Variants in RIC3 observed in about 807,000 individuals in gnomAD.
RIC3 encodes the protein RIC3 acetylcholine receptor chaperone.
A neutral mutation model predicts 27.3 loss-of-function variants in RIC3; 28 were observed. The observed-to-expected ratio is 1.02, with a 90% CI of 0.76 to 1.41. The LOEUF is 1.41. Among genes scored for constraint, RIC3 ranks in the 40% most tolerant of loss-of-function variants. RIC3 has a pLI of 0.00. For missense variants in RIC3, 501 were observed against 444.7 expected (o/e 1.13, Z -1.14); for synonymous variants, 184 against 160.4 (o/e 1.15, Z -1.11).
At chr11:8,098,888 T>C in the RIC3 span, 3 of 1,578,952 alleles carry the variant, frequency 1.9e-6, no homozygotes, top group Non-Finnish European at 8.7e-7. Context: ...GAGTCCTAGG[T>C]TCGGGGGTCT....
chr11:8,097,904 T>C, the RIC3 span: 1 of 1,101,742 alleles, frequency 9.1e-7, no homozygotes, highest in Middle Eastern at 2.2e-4. Flanking sequence ...GGCCTGAATC[T>C]TCCTGAAGGA....
the RIC3 span, chr11:8,097,177 TG>T: frequency 6.3e-7 from 1 of 1,598,502 alleles, no homozygotes; most frequent in African/African-American, 1.3e-5. Context: ...ACCACCAATT[TG>T]GGCTGCTTAG....
rs61400460 is a variant in RIC3, at chr11:8,155,218, TAA to T, written c.124+13646_124+13647del. 9.6e-3 allele frequency among the ~76,000 whole-genome samples: 1,163 copies of T among 120,926 alleles called. 21 individuals carry two copies. Among genetic ancestry groups the T allele is most frequent in the Admixed American group, 0.057 (669 of 11,712 alleles). 79.3% of individuals were successfully genotyped at this position (120,926 alleles called of 152,430 possible). On this transcript the variant is annotated intron_variant, in intron 1 of 5. Transcript: ENST00000309737. ...GCCTGGGCAACAGGAGACCCCATCT[TAA>T]AAAAAAAAAAAAAAAAAAAATTCAC...
At chr11:8,100,843 A>G in the RIC3 span, 2 of 1,614,172 alleles carry the variant, frequency 1.2e-6, no homozygotes, top group South Asian at 2.2e-5. Flanking sequence ...AGACACTGCT[A>G]GCACGCTGGC....
At chr11:8,137,585 T>C (rs908355998) in intron 3 of RIC3, 114 bp from the exon 4 acceptor site, 12 of 643,300 alleles carry the variant, frequency 1.9e-5, no homozygotes, top group African/African-American at 3.6e-5. Flanking sequence ...TACTATCTCA[T>C]TGAAGAACAC....
At chr11:8,131,037 C>T (rs982562008) in intron 4 of RIC3, among the ~76,000 whole-genome samples, 23 of 152,004 alleles carry the variant, frequency 1.5e-4, no homozygotes, top group African/African-American at 4.4e-4. Context: ...GAAAGAAAAC[C>T]GAAAGGAGGC....
At chr11:8,142,890 T>C (rs1379489364) in intron 1 of RIC3, among the ~76,000 whole-genome samples, 2 of 88,534 alleles carry the variant, frequency 2.3e-5, no homozygotes, top group Non-Finnish European at 3.7e-5. Flanking sequence ...AATCAATAAA[T>C]GTAATCCAGC....
chr11:8,110,574 T>C lies in RIC3; in HGVS notation c.*124A>G. On this transcript the variant is annotated 3_prime_UTR_variant, in exon 6 of 6. Transcript: ENST00000309737. ...GAAGGATACATGATATCCATGATAG[T>C]GGCCTGATAGCTATGACACTTGAAC... The C allele has an allele frequency of 1.2e-6, 1 of 846,800 alleles. No individual in the cohort carries two copies. Among genetic ancestry groups the C allele is most frequent in the Non-Finnish European group, 2.0e-6 (1 of 497,610 alleles). 52.5% of individuals were successfully genotyped at this position (846,800 alleles called of 1,614,324 possible).
intron 1 of RIC3, among the ~76,000 whole-genome samples, chr11:8,159,485 A>G (rs1428847713): frequency 1.3e-5 from 2 of 152,176 alleles, no homozygotes; most frequent in African/African-American, 4.8e-5. Flanking sequence ...AAGCTTCAAC[A>G]TAATACTATC....
At chr11:8,113,304 G>C (rs189121472) in intron 5 of RIC3, among the ~76,000 whole-genome samples, 1 of 152,188 alleles carries the variant, frequency 6.6e-6, no homozygotes, top group African/African-American at 2.4e-5. Context: ...TGCTTTAAGA[G>C]GGAAGGTCAC....
the RIC3 span, chr11:8,095,445 A>G: frequency 6.5e-7 from 1 of 1,549,524 alleles, no homozygotes; most frequent in Non-Finnish European, 8.8e-7. Context: ...CTGAGAATCC[A>G]GGCCCTCCTC....
At chr11:8,145,340 T>C (rs531657165) in intron 1 of RIC3, among the ~76,000 whole-genome samples, 11 of 152,226 alleles carry the variant, frequency 7.2e-5, no homozygotes, top group African/African-American at 2.6e-4. Flanking sequence ...CATAAGGTTT[T>C]TTCTTTGTTT....
chr11:8,103,434 A>G (rs1944391375), downstream of RIC3: 1 of 152,336 alleles, frequency 6.6e-6, no homozygotes, highest in Non-Finnish European at 1.5e-5. Flanking sequence ...TAGGCTTTAT[A>G]GGTGAAGGAC....
chr11:8,101,082 C>G, downstream of RIC3: 1 of 1,477,760 alleles, frequency 6.8e-7, no homozygotes, highest in Non-Finnish European at 9.3e-7. Context: ...GCCCTGCCTA[C>G]ACTGGCTAGA....
rs1277368214 is a variant in RIC3, at chr11:8,108,248, C to T, written c.*2450G>A. ...ACTTGAACATCCATGTATTTTCACA[C>T]CCTACTGCTTTTTTCAACAACTCTT... On this transcript the variant is annotated 3_prime_UTR_variant, in exon 6 of 6. Transcript: ENST00000309737. 1 of 152,154 alleles carries T rather than the reference C, an allele frequency of 6.6e-6. No individual in the cohort carries two copies. Among genetic ancestry groups the T allele is most frequent in the East Asian group, 1.9e-4 (1 of 5,186 alleles). The allele number at this position is 152,154 out of a possible 1,614,324, so 9.4% of individuals were successfully genotyped here. A position where few individuals can be genotyped will look rare whatever the true frequency, so the allele number is the denominator to read the frequency against.
intron 1 of RIC3, among the ~76,000 whole-genome samples, chr11:8,155,505 G>A (rs940732218): frequency 3.9e-5 from 6 of 152,134 alleles, no homozygotes; most frequent in Non-Finnish European, 7.3e-5. Flanking sequence ...GAACCCGGGA[G>A]GCGGAGGTTG....
the RIC3 span, among the ~76,000 whole-genome samples, chr11:8,100,176 T>C: frequency 6.6e-6 from 1 of 152,108 alleles, no homozygotes; most frequent in Non-Finnish European, 1.5e-5. Context: ...TGGGTATAAT[T>C]GGAAGGTGGA....
downstream of RIC3, chr11:8,101,763 C>A: frequency 7.1e-7 from 1 of 1,407,612 alleles, no homozygotes; most frequent in Non-Finnish European, 9.4e-7. Flanking sequence ...GCCCAGCCAG[C>A]CAGGAACTGG....
downstream of RIC3, chr11:8,104,240 A>G (rs748907896): frequency 6.6e-6 from 1 of 152,196 alleles, no homozygotes; most frequent in Non-Finnish European, 1.5e-5. Context: ...GCAGTCCCTA[A>G]TGGTATTGGG....
Sources: gnomAD v4.1 joint callset for allele counts (sites outside exome capture counted in the v4.1 genomes callset) on GRCh38, gnomAD v4.1.1 for gene constraint, MANE v1.5 for transcripts, NCBI Gene and HGNC (gene_info 2026-07-23, HGNC 2026-07-21) for gene names.